PDZRN4: variants seen among roughly 807,000 people sequenced by gnomAD.
PDZRN4 encodes PDZ domain containing ring finger 4.
A neutral mutation model predicts 99.0 loss-of-function variants in PDZRN4; 70 were observed. That is an observed-to-expected ratio of 0.71 (90% CI 0.58 to 0.86). PDZRN4 has a LOEUF of 0.86. Among genes scored for constraint, PDZRN4 ranks in the 40% least tolerant of loss-of-function variants. The probability of loss-of-function intolerance (pLI) is 0.00; values close to 1 mark genes in which losing one functional copy is unlikely to be tolerated. For synonymous variants in PDZRN4, 551 were observed against 501.6 expected, an observed-to-expected ratio of 1.10 and a Z score of -1.32; for missense variants, 1,474 against 1,331.2, an observed-to-expected ratio of 1.11 and a Z score of -1.67.
intron 3 of PDZRN4, among the ~76,000 whole-genome samples, chr12:41,447,529 G>A (rs889637933): frequency 6.6e-6 from 1 of 152,148 alleles, no homozygotes; most frequent in Non-Finnish European, 1.5e-5. Context: ...GTCTGAACCT[G>A]TAAGTGTTTT....
chr12:41,323,831 G>C (rs182416091), intron 3 of PDZRN4, among the ~76,000 whole-genome samples: 57 of 151,904 alleles, frequency 3.8e-4, no homozygotes, highest in Admixed American at 1.8e-3. Flanking sequence ...TTCTTGTAGA[G>C]ATGTGATTTA....
intron 3 of PDZRN4, among the ~76,000 whole-genome samples, chr12:41,457,865 C>T (rs180688013): frequency 4.3e-4 from 65 of 152,246 alleles, no homozygotes; most frequent in Admixed American, 2.9e-3. Flanking sequence ...CAAGGCATTG[C>T]AGTAGCAAAG....
At chr12:41,211,245 T>C (rs908741126) in intron 3 of PDZRN4, among the ~76,000 whole-genome samples, 5 of 151,970 alleles carry the variant, frequency 3.3e-5, no homozygotes, top group Non-Finnish European at 7.4e-5. Flanking sequence ...TCAGAAGATG[T>C]TGAAAGATGA....
At chr12:41,195,810 C>T (rs1456861296) in intron 3 of PDZRN4, among the ~76,000 whole-genome samples, 2 of 152,104 alleles carry the variant, frequency 1.3e-5, no homozygotes, top group Non-Finnish European at 2.9e-5. Flanking sequence ...ATACTTTAAA[C>T]AGAAGATTGT....
intron 3 of PDZRN4, among the ~76,000 whole-genome samples, chr12:41,284,645 A>T (rs757244904): frequency 6.6e-6 from 1 of 152,094 alleles, no homozygotes; most frequent in African/African-American, 2.4e-5. Context: ...TCATCGTATT[A>T]GTACCAAAAC....
intron 3 of PDZRN4, among the ~76,000 whole-genome samples, chr12:41,475,613 A>T (rs1953034876): frequency 6.6e-6 from 1 of 152,200 alleles, no homozygotes; most frequent in Non-Finnish European, 1.5e-5. Flanking sequence ...TATAAATAGC[A>T]AAGTATTTTG....
At chr12:41,240,079 G>T (rs1428831213) in intron 3 of PDZRN4, among the ~76,000 whole-genome samples, 1 of 152,120 alleles carries the variant, frequency 6.6e-6, no homozygotes, top group East Asian at 1.9e-4. Flanking sequence ...GCGGCAAATT[G>T]TATTGCATAT....
chr12:41,560,578 A>C (rs1031724614), intron 7 of PDZRN4, among the ~76,000 whole-genome samples: 1 of 152,132 alleles, frequency 6.6e-6, no homozygotes. Context: ...CTATTTTCCT[A>C]AAGTGGAAGT....
chr12:41,563,079 A>G (rs1029991517), intron 7 of PDZRN4, among the ~76,000 whole-genome samples: 11 of 152,216 alleles, frequency 7.2e-5, no homozygotes, highest in Admixed American at 5.9e-4. Flanking sequence ...TAAAAATGCA[A>G]TCAGCAGTGG....
At chr12:41,237,478 T>TA (rs1951075050) in intron 3 of PDZRN4, among the ~76,000 whole-genome samples, 8 of 152,176 alleles carry the variant, frequency 5.3e-5, no homozygotes, top group Admixed American at 5.2e-4. Flanking sequence ...TATGTGTTGC[T>TA]TTGTAATGTA....
intron 5 of PDZRN4, among the ~76,000 whole-genome samples, chr12:41,539,329 T>C (rs1171318170): frequency 6.6e-6 from 1 of 152,112 alleles, no homozygotes; most frequent in Non-Finnish European, 1.5e-5. Flanking sequence ...CAATATTTTA[T>C]GATCTTTTGT....
intron 5 of PDZRN4, among the ~76,000 whole-genome samples, chr12:41,548,964 A>T (rs1939007347): frequency 1.3e-5 from 2 of 152,180 alleles, no homozygotes; most frequent in African/African-American, 4.8e-5. Flanking sequence ...TAGATGCTGA[A>T]GTTTGATTTT....
intron 3 of PDZRN4, among the ~76,000 whole-genome samples, chr12:41,326,297 C>A (rs1951709174): frequency 6.6e-6 from 1 of 152,006 alleles, no homozygotes; most frequent in Non-Finnish European, 1.5e-5. Context: ...GTTTCTTGAC[C>A]ATAACCGGTA....
At chr12:41,555,155 C>T (rs1470040867) in intron 6 of PDZRN4, among the ~76,000 whole-genome samples, 1 of 144,884 alleles carries the variant, frequency 6.9e-6, no homozygotes, top group East Asian at 2.0e-4. Context: ...GGCATGAACC[C>T]GAGAGGCGGA....
At chr12:41,343,803 T>A (rs2121020430) in intron 3 of PDZRN4, among the ~76,000 whole-genome samples, 1 of 151,850 alleles carries the variant, frequency 6.6e-6, no homozygotes, top group South Asian at 2.1e-4. Flanking sequence ...CCTGATTTGA[T>A]CATTATACAA....
At chr12:41,429,652 C>T (rs754658423) in intron 3 of PDZRN4, among the ~76,000 whole-genome samples, 45 of 151,998 alleles carry the variant, frequency 3.0e-4, no homozygotes, top group Admixed American at 5.9e-4. Context: ...TCATTTACTA[C>T]TCATGTGACC....
intron 3 of PDZRN4, among the ~76,000 whole-genome samples, chr12:41,496,045 G>A (rs1427642263): frequency 3.3e-5 from 5 of 152,076 alleles, no homozygotes; most frequent in East Asian, 1.9e-4. Context: ...GATTGTAAGA[G>A]CAGGTGCCTT....
intron 3 of PDZRN4, among the ~76,000 whole-genome samples, chr12:41,278,203 A>G (rs1423225858): frequency 6.6e-6 from 1 of 152,210 alleles, no homozygotes; most frequent in Non-Finnish European, 1.5e-5. Flanking sequence ...GAGGCTTTTT[A>G]TAAGGCCATG....
At chr12:41,210,047 T>G (rs1183474544) in intron 3 of PDZRN4, among the ~76,000 whole-genome samples, 1 of 152,078 alleles carries the variant, frequency 6.6e-6, no homozygotes, top group Admixed American at 6.6e-5. Flanking sequence ...TTCTAACTGG[T>G]GTGAGATGGT....
Sources: gnomAD v4.1 joint callset for allele counts (sites outside exome capture counted in the v4.1 genomes callset) on GRCh38, gnomAD v4.1.1 for gene constraint, MANE v1.5 for transcripts, NCBI Gene and HGNC (gene_info 2026-07-23, HGNC 2026-07-21) for gene names.